SPDL1: variants seen among roughly 807,000 people sequenced by gnomAD.
SPDL1 encodes protein Spindly.
Under a neutral mutation model 79.5 loss-of-function variants are expected in SPDL1, and 85 were observed. The observed-to-expected ratio is 1.07, with a 90% CI of 0.90 to 1.28. SPDL1 has a LOEUF of 1.28. Among genes scored for constraint, SPDL1 ranks in the 50% most tolerant of loss-of-function variants. The pLI is 0.00. For missense variants in SPDL1, 703 were observed against 697.8 expected, an observed-to-expected ratio of 1.01 and a Z score of -0.08; for synonymous variants, 269 against 240.3, an observed-to-expected ratio of 1.12 and a Z score of -1.10.
chr5:169,602,271 A>T lies in SPDL1; in HGVS notation c.1670+646A>T, dbSNP rs1220739461. On this transcript the variant is annotated intron_variant, in intron 11 of 11. Coordinates refer to ENST00000265295, the MANE Select transcript of SPDL1 (RefSeq NM_017785.5). The stretch of plus-strand genomic sequence containing the variant: ...ATAAAAATAATTGAGGTCAGAAGGT[A>T]AGAGAAAGTGAATGGAAGGGAAAGG... Among the ~76,000 whole-genome samples, 6 of 152,340 alleles carry T rather than the reference A, an allele frequency of 3.9e-5. No homozygotes were observed. In the East Asian group the frequency reaches 1.2e-3, roughly 29 times the overall value.
intron 10 of SPDL1, among the ~76,000 whole-genome samples, chr5:169,600,483 A>G (rs1039493666): frequency 1.3e-5 from 2 of 152,226 alleles, no homozygotes; most frequent in African/African-American, 4.8e-5. Flanking sequence ...AAAAGCAACA[A>G]TGTAGAGCAA....
At chr5:169,599,246 A>C in intron 10 of SPDL1, 87 bp downstream of exon 10, 1 of 1,066,086 alleles carries the variant, frequency 9.4e-7, no homozygotes, top group Non-Finnish European at 1.3e-6. Context: ...GTTTTATGCA[A>C]CTCTATTACA....
chr5:169,599,310 ATAGG>A (rs376151047), intron 10 of SPDL1, 151 bp downstream of exon 10: 71 of 631,032 alleles, frequency 1.1e-4, no homozygotes, highest in African/African-American at 8.8e-4. Flanking sequence ...ATTGTGTAAA[ATAGG>A]TAGGAAAATT....
intron 1 of SPDL1, chr5:169,586,411 A>G (rs889489912): frequency 6.6e-6 from 1 of 152,254 alleles, no homozygotes; most frequent in African/African-American, 2.4e-5. Flanking sequence ...CTTCTTCCCT[A>G]CCTCATAACA....
At chr5:169,590,917 A>T in intron 2 of SPDL1, 131 bp from the exon 3 acceptor site, 1 of 823,082 alleles carries the variant, frequency 1.2e-6, no homozygotes, top group South Asian at 1.5e-5. Context: ...TCCAGGTTTA[A>T]CATGTCTTCG....
rs1416995607 is a variant in SPDL1 at position 169,596,615 on chromosome 5, C to G, written c.946C>G (p.Gln316Glu). ...MKGSQTEFEQQERLLAMLEQK... is the reference protein window; with the variant it reads ...MKGSQTEFEQEERLLAMLEQK... Reference sequence around the variant, plus strand: ...AGGGTCTCAAACTGAATTTGAGCAGCAGGAACGGTTGCTTGCCATGTTGGA... The same window carrying G: ...AGGGTCTCAAACTGAATTTGAGCAGGAGGAACGGTTGCTTGCCATGTTGGA... The change falls in exon 8 of 12, where the codon CAG becomes GAG. Residue 316 changes from glutamine (Q) to glutamate (E), a missense_variant. Gln to Glu is a conservative substitution (Grantham distance 29). Coordinates refer to ENST00000265295, the MANE Select transcript of SPDL1 (RefSeq NM_017785.5). 6.2e-7 allele frequency: 1 copy of G among 1,609,626 alleles called. No individual in the cohort carries two copies. The highest frequency in any genetic ancestry group is 1.7e-5 in the Admixed American group (1 of 58,792).
rs1755403493 is a variant in SPDL1, at chr5:169,593,434, A to G, written c.417A>G (p.Glu139=). The part of the protein sequence containing the change: ...QLKHQVDHQK[E]LLSCKSEELR... ...AGCACCAAGTAGATCATCAGAAGGA[A>G]CTCCTCTCTTGTAAATCAGAGGAAC... The change falls in exon 4 of 12, where the codon GAA becomes GAG. Residue 139 remains glutamate (E), a synonymous_variant. Transcript: ENST00000265295. 1 of 1,613,926 alleles carries G rather than the reference A, an allele frequency of 6.2e-7. No homozygotes were observed. The highest frequency in any genetic ancestry group is 1.7e-5 in the Admixed American group (1 of 60,010).
intron 1 of SPDL1, among the ~76,000 whole-genome samples, chr5:169,587,634 G>T (rs1377642748): frequency 6.6e-6 from 1 of 152,096 alleles, no homozygotes; most frequent in Non-Finnish European, 1.5e-5. Context: ...AAAAATTACA[G>T]ACATGATATT....
intron 10 of SPDL1, among the ~76,000 whole-genome samples, chr5:169,600,090 A>G (rs185730091): frequency 6.6e-6 from 1 of 152,284 alleles, no homozygotes; most frequent in Admixed American, 6.5e-5. Flanking sequence ...GAGTCTAAGA[A>G]TGTGATGGTT....
intron 3 of SPDL1, among the ~76,000 whole-genome samples, chr5:169,591,955 G>A (rs887255781): frequency 2.0e-5 from 3 of 152,180 alleles, no homozygotes; most frequent in African/African-American, 7.2e-5. Flanking sequence ...GGTTGCTTCT[G>A]AGGAATCCAG....
chr5:169,589,794 T>G (rs1755181021), intron 2 of SPDL1, among the ~76,000 whole-genome samples: 1 of 151,930 alleles, frequency 6.6e-6, no homozygotes, highest in African/African-American at 2.4e-5. Context: ...CTCCACCTCC[T>G]GGGTTCAAGA....
chr5:169,593,501 G>C lies in SPDL1; in HGVS notation c.484G>C (p.Glu162Gln), dbSNP rs138105894. ...SERVQESMSS[E>Q]MLALQIELTE... The stretch of plus-strand genomic sequence containing the variant: ...ACGTGTGCAGGAAAGCATGTCTTCA[G>C]AGATGCTGGCTCTTCAAATTGAGCT... Residue 162 changes from glutamate to glutamine, a missense_variant, in exon 4 of 12, where the codon GAG becomes CAG. By Grantham distance (29) the Glu-to-Gln change is conservative. Coordinates refer to ENST00000265295, the MANE Select transcript of SPDL1 (RefSeq NM_017785.5). 9.9e-6 allele frequency: 16 copies of C among 1,613,372 alleles called. No homozygotes were observed. The highest frequency in any genetic ancestry group is 3.3e-5 in the Admixed American group (2 of 59,898).
chr5:169,602,837 A>T (rs1756005373), intron 11 of SPDL1, among the ~76,000 whole-genome samples: 1 of 152,212 alleles, frequency 6.6e-6, no homozygotes, highest in African/African-American at 2.4e-5. Flanking sequence ...CATGGTTTCA[A>T]AGAGTTCTGA....
Position 169,596,565 on chromosome 5 carries a change from A to T in SPDL1, c.896A>T (p.Gln299Leu), listed in dbSNP as rs767936181. The T allele has an allele frequency of 6.2e-7, 1 of 1,608,944 alleles. No individual in the cohort carries two copies. Among genetic ancestry groups the T allele is most frequent in the Non-Finnish European group, 8.5e-7 (1 of 1,178,422 alleles). The change falls in exon 8 of 12, where the codon CAA (glutamine) becomes CTA (leucine). Residue 299 changes from glutamine (Q) to leucine (L), a missense_variant. Coordinates refer to ENST00000265295, the MANE Select transcript of SPDL1 (RefSeq NM_017785.5). Reference sequence around the variant, plus strand: ...GGGGTAATTTTATTTTTCTAGTTACAAATTGCCACGTTGCTACAGATGAAA... The same window carrying T: ...GGGGTAATTTTATTTTTCTAGTTACTAATTGCCACGTTGCTACAGATGAAA... ...NREQMQRMKLQIATLLQMKGS... is the reference protein window; with the variant it reads ...NREQMQRMKLLIATLLQMKGS...
intron 1 of SPDL1, chr5:169,586,149 C>T (rs1433524507): frequency 6.6e-6 from 1 of 152,284 alleles, no homozygotes; most frequent in African/African-American, 2.4e-5. Context: ...TTATCTCCTA[C>T]CATTCTCTCT....
rs116601401 is a variant in SPDL1, at chr5:169,603,944, T to C, written c.1671-116T>C. 2.8e-4 allele frequency: 315 copies of C among 1,122,764 alleles called. 1 individual carries two copies. In the African/African-American group the frequency reaches 4.5e-3, roughly 16 times the overall value. The allele number at this position is 1,122,764 out of a possible 1,614,324, so 69.6% of individuals were successfully genotyped here. A position where few individuals can be genotyped will look rare whatever the true frequency, so the allele number is the denominator to read the frequency against. On this transcript the variant is annotated intron_variant, in intron 11 of 11. Transcript: ENST00000265295. Reference sequence around the variant, plus strand: ...ATATTCTTACAGTATTAGAGTCAACTATATTTTTTTTCCTTGAATACCATG... The same window carrying C: ...ATATTCTTACAGTATTAGAGTCAACCATATTTTTTTTCCTTGAATACCATG...
chr5:169,587,276 A>G (rs565345548), intron 1 of SPDL1: 4 of 152,298 alleles, frequency 2.6e-5, no homozygotes, highest in African/African-American at 9.6e-5. Flanking sequence ...AACCTAGTAT[A>G]TAAGGCATTC....
chr5:169,590,380 A>G (rs988938022), intron 2 of SPDL1, among the ~76,000 whole-genome samples: 1 of 152,232 alleles, frequency 6.6e-6, no homozygotes, highest in Non-Finnish European at 1.5e-5. Flanking sequence ...GTCAAATTTC[A>G]GTGTTTAACA....
intron 1 of SPDL1, among the ~76,000 whole-genome samples, chr5:169,587,773 C>T (rs1409473827): frequency 6.6e-6 from 1 of 152,146 alleles, no homozygotes; most frequent in Non-Finnish European, 1.5e-5. Flanking sequence ...CAGTGTCTTG[C>T]TCTGTCAGTG....
Sources: allele counts gnomAD v4.1 joint callset (sites outside exome capture counted in the v4.1 genomes callset), GRCh38; gene constraint gnomAD v4.1.1; transcripts MANE v1.5; gene names NCBI Gene and HGNC (gene_info 2026-07-23, HGNC 2026-07-21).